Variants in SIPA1L1 observed in about 807,000 individuals in gnomAD.
The protein encoded by SIPA1L1 is signal induced proliferation associated 1 like 1, also known as signal-induced proliferation-associated 1-like protein 1.
In SIPA1L1, 26 loss-of-function variants were observed where a neutral mutation model predicts 162.7. The ratio of observed to expected loss-of-function variants is 0.16; its 90% CI spans 0.12 to 0.22. The LOEUF (loss-of-function observed/expected upper bound fraction) is 0.22, where lower values mean the gene tolerates loss of function less well. SIPA1L1 is among the 10% of genes least tolerant of loss of function. The probability of loss-of-function intolerance (pLI) is 1.00; values close to 1 mark genes in which losing one functional copy is unlikely to be tolerated. For synonymous variants in SIPA1L1, 829 were observed against 837.4 expected (o/e 0.99, Z 0.17); for missense variants, 1,874 against 2,241.0 (o/e 0.84, Z 3.31).
At chr14:71,552,593 T>C (rs1430326597) in intron 4 of SIPA1L1, among the ~76,000 whole-genome samples, 2 of 152,074 alleles carry the variant, frequency 1.3e-5, no homozygotes, top group Non-Finnish European at 2.9e-5. Context: ...AGACGGGGTT[T>C]CACCGTGTTA....
intron 5 of SIPA1L1, chr14:71,598,336 C>A: frequency 1.9e-6 from 1 of 515,780 alleles, no homozygotes; most frequent in Non-Finnish European, 2.5e-6. Flanking sequence ...CTCCAGGTAT[C>A]TCCCTTAAGA....
At chr14:71,480,105 C>T (rs1341439058) in intron 2 of SIPA1L1, among the ~76,000 whole-genome samples, 20 of 149,148 alleles carry the variant, frequency 1.3e-4, no homozygotes, top group South Asian at 2.1e-4. Context: ...TTTTTTGAGA[C>T]GGAGTCTTGC....
chr14:71,435,096 G>A (rs566044070), intron 2 of SIPA1L1, among the ~76,000 whole-genome samples: 2 of 152,120 alleles, frequency 1.3e-5, no homozygotes, highest in African/African-American at 2.4e-5. Flanking sequence ...GAATATATTC[G>A]TATCTTTATT....
At chr14:71,734,726 TTA>T (rs1366438332) in intron 21 of SIPA1L1, among the ~76,000 whole-genome samples, 26 of 152,218 alleles carry the variant, frequency 1.7e-4, no homozygotes, top group Non-Finnish European at 2.9e-5. Flanking sequence ...AGTGTGTTGG[TTA>T]ATCTCCTTCA....
intron 4 of SIPA1L1, among the ~76,000 whole-genome samples, chr14:71,545,417 T>C (rs1182390397): frequency 6.6e-6 from 1 of 152,210 alleles, no homozygotes; most frequent in Non-Finnish European, 1.5e-5. Context: ...TCATTAGATA[T>C]AGATTTTCAT....
chr14:71,422,467 A>G (rs2043257190), intron 2 of SIPA1L1, among the ~76,000 whole-genome samples: 1 of 152,170 alleles, frequency 6.6e-6, no homozygotes, highest in South Asian at 2.1e-4. Context: ...CTCATTAAAC[A>G]GTAACTCCCC....
At chr14:71,592,278 G>C (rs2035502222) in intron 5 of SIPA1L1, among the ~76,000 whole-genome samples, 1 of 152,214 alleles carries the variant, frequency 6.6e-6, no homozygotes, top group Non-Finnish European at 1.5e-5. Flanking sequence ...ACCACAAATA[G>C]TGGCTCTGGA....
At chr14:71,607,273 A>G (rs1013584455) in intron 5 of SIPA1L1, among the ~76,000 whole-genome samples, 6 of 151,038 alleles carry the variant, frequency 4.0e-5, no homozygotes, top group African/African-American at 1.2e-4. Flanking sequence ...CCTCGGCATA[A>G]TAGATGAAAA....
In SIPA1L1 at chr14:71,589,325, G is replaced by A. The variant is rs372762267; in HGVS notation, c.1453G>A (p.Val485Ile). The A allele has an allele frequency of 3.1e-6, 5 of 1,613,430 alleles. No individual in the cohort carries two copies. The highest frequency in any genetic ancestry group is 3.4e-6 in the Non-Finnish European group (4 of 1,179,640). ...AGTGAAAAGATACATCGTGGAACACGTAGATCTGGGTGCATACTATTATAG... is the reference window on the plus strand; with the variant it reads ...AGTGAAAAGATACATCGTGGAACACATAGATCTGGGTGCATACTATTATAG... ...DRVKRYIVEH[V>I]DLGAYYYRKF... The change falls in exon 5 of 24, where the codon GTA becomes ATA. Residue 485 changes from valine to isoleucine, a missense_variant. Around this residue, in one of 5 missense-constraint regions of SIPA1L1, gnomAD observed 685 missense variants for 828.0 expected, o/e 0.83. Transcript: ENST00000381232.
At chr14:71,571,613 A>G (rs2032037577) in intron 4 of SIPA1L1, among the ~76,000 whole-genome samples, 1 of 152,078 alleles carries the variant, frequency 6.6e-6, no homozygotes, top group Admixed American at 6.5e-5. Context: ...ACAACAGAAT[A>G]CCTGAAACTG....
chr14:71,425,057 G>T (rs1001509629), intron 2 of SIPA1L1, among the ~76,000 whole-genome samples: 2 of 151,862 alleles, frequency 1.3e-5, no homozygotes, highest in Non-Finnish European at 2.9e-5. Context: ...GTTCTTCATA[G>T]TGCACTCTTA....
intron 4 of SIPA1L1, among the ~76,000 whole-genome samples, chr14:71,563,819 T>C (rs1396393815): frequency 6.6e-6 from 1 of 152,270 alleles, no homozygotes; most frequent in East Asian, 1.9e-4. Context: ...GCAGTGGTCC[T>C]GTGTATTCTT....
intron 2 of SIPA1L1, among the ~76,000 whole-genome samples, chr14:71,412,516 A>G (rs529596134): frequency 4.7e-4 from 71 of 152,232 alleles, no homozygotes; most frequent in African/African-American, 1.6e-3. Context: ...GCTCTGTTCT[A>G]CCGTATTACA....
chr14:71,677,485 C>G (rs982037067), intron 12 of SIPA1L1, among the ~76,000 whole-genome samples: 3 of 152,032 alleles, frequency 2.0e-5, no homozygotes, highest in Non-Finnish European at 4.4e-5. Context: ...TAATTAGATC[C>G]CATTTGTCTA....
At chr14:71,570,819 C>T (rs1276191513) in intron 4 of SIPA1L1, among the ~76,000 whole-genome samples, 3 of 152,082 alleles carry the variant, frequency 2.0e-5, no homozygotes, top group Non-Finnish European at 2.9e-5. Flanking sequence ...TGGAGTCTCG[C>T]TCTATCACCC....
Position 71,697,498 on chromosome 14 carries a change from A to T in SIPA1L1, c.3375-1483A>T, listed in dbSNP as rs2081736282. ...GCCATTATGTGGTACCAAAAAAAAA[A>T]TGATGTTTATCTTGAGATAACAAAT... On this transcript the variant is annotated intron_variant, in intron 13 of 23. Transcript: ENST00000381232. 2.6e-5 allele frequency among the ~76,000 whole-genome samples: 4 copies of T among 152,220 alleles called. 1 individual carries two copies. Among genetic ancestry groups the T allele is most frequent in the Non-Finnish European group, 5.9e-5 (4 of 68,048 alleles).
chr14:71,448,906 C>G (rs1430560937), intron 2 of SIPA1L1: 1 of 152,270 alleles, frequency 6.6e-6, no homozygotes, highest in Non-Finnish European at 1.5e-5. Context: ...GGAATTGTGC[C>G]TGTGAATAGC....
At chr14:71,729,070 C>T (rs1344465780) in intron 19 of SIPA1L1, among the ~76,000 whole-genome samples, 1 of 152,200 alleles carries the variant, frequency 6.6e-6, no homozygotes, top group Non-Finnish European at 1.5e-5. Context: ...GAGTCTCACT[C>T]TCTTGCCCAG....
At chr14:71,528,140 G>A (rs1435800705) in intron 3 of SIPA1L1, among the ~76,000 whole-genome samples, 1 of 152,172 alleles carries the variant, frequency 6.6e-6, no homozygotes, top group Admixed American at 6.5e-5. Context: ...ACTCCATAGT[G>A]TGCTGAATAT....
Sources: gnomAD v4.1 joint callset for allele counts (sites outside exome capture counted in the v4.1 genomes callset) on GRCh38, gnomAD v4.1.1 for gene constraint, gnomAD v4.1.1 regional missense constraint, MANE v1.5 for transcripts, NCBI Gene and HGNC (gene_info 2026-07-23, HGNC 2026-07-21) for gene names.